The following ADAMTSL1 variants were observed in gnomAD, a reference collection of about 807,000 sequenced individuals.
The protein encoded by ADAMTSL1 is ADAMTS-like protein 1.
In ADAMTSL1, 126 loss-of-function variants were observed where a neutral mutation model predicts 201.8. That is an observed-to-expected ratio of 0.62 (90% CI 0.54 to 0.72). ADAMTSL1 has a LOEUF of 0.72. Among genes scored for constraint, ADAMTSL1 ranks in the 30% least tolerant of loss-of-function variants. The probability of loss-of-function intolerance (pLI) is 0.00; values close to 1 mark genes in which losing one functional copy is unlikely to be tolerated. For missense variants in ADAMTSL1, 2,679 were observed against 2,277.8 expected (o/e 1.18, Z -3.59); for synonymous variants, 1,121 against 903.4 (o/e 1.24, Z -4.32).
intron 20 of ADAMTSL1, among the ~76,000 whole-genome samples, chr9:18,812,444 A>G (rs1002469899): frequency 2.6e-5 from 4 of 152,244 alleles, no homozygotes; most frequent in Non-Finnish European, 4.4e-5. Flanking sequence ...AACTCAAAAT[A>G]TATCACAGAC....
intron 6 of ADAMTSL1, among the ~76,000 whole-genome samples, chr9:18,638,548 C>A (rs2132795582): frequency 6.6e-6 from 1 of 152,194 alleles, no homozygotes; most frequent in African/African-American, 2.4e-5. Flanking sequence ...TTTTCTACAA[C>A]AAAACATGCT....
chr9:18,115,926 A>C (rs1825230308), intron 1 of ADAMTSL1, among the ~76,000 whole-genome samples: 1 of 152,176 alleles, frequency 6.6e-6, no homozygotes, highest in Non-Finnish European at 1.5e-5. Flanking sequence ...ATTGTCTCTA[A>C]CAGTACTCAG....
intron 10 of ADAMTSL1, among the ~76,000 whole-genome samples, chr9:18,679,861 A>C (rs764392672): frequency 2.0e-5 from 3 of 152,224 alleles, no homozygotes; most frequent in Non-Finnish European, 4.4e-5. Flanking sequence ...TTAAGTAATA[A>C]AGCATTACAT....
chr9:18,837,239 A>C (rs961880272), intron 23 of ADAMTSL1, among the ~76,000 whole-genome samples: 6 of 152,160 alleles, frequency 3.9e-5, no homozygotes, highest in Admixed American at 3.9e-4. Flanking sequence ...TCATAATTCT[A>C]AGTTTTAAGT....
At chr9:18,321,158 T>A (rs1175168329) in intron 2 of ADAMTSL1, among the ~76,000 whole-genome samples, 1 of 152,198 alleles carries the variant, frequency 6.6e-6, no homozygotes, top group Non-Finnish European at 1.5e-5. Flanking sequence ...AAAGTTGGCA[T>A]GGCTCTATTA....
At chr9:18,680,590 G>T in intron 11 of ADAMTSL1, 74 bp downstream of exon 11, 1 of 1,535,698 alleles carries the variant, frequency 6.5e-7, no homozygotes, top group South Asian at 1.1e-5. Context: ...GGCCCCACCG[G>T]GTACCCTGAG....
At position 18,195,540 on chromosome 9, in the gene ADAMTSL1, C is replaced by G. The variant is rs536823274; in HGVS notation, c.207+31559C>G. Among the ~76,000 whole-genome samples, 8 of 152,210 alleles carry G rather than the reference C, an allele frequency of 5.3e-5. 1 individual carries two copies. The South Asian group carries it at 1.7e-3, about 32-fold the overall frequency. On this transcript the variant is annotated intron_variant, in intron 2 of 29. Coordinates refer to the ADAMTSL1 transcript ENST00000680146. ...CCACGTCTCATGCTGTTTCCAGGGACATAGTCAAAAGTTTTTTAAAAATTA... is the reference window on the plus strand; with the variant it reads ...CCACGTCTCATGCTGTTTCCAGGGAGATAGTCAAAAGTTTTTTAAAAATTA...
At chr9:18,516,841 G>C (rs932868164) in intron 2 of ADAMTSL1, among the ~76,000 whole-genome samples, 1 of 152,170 alleles carries the variant, frequency 6.6e-6, no homozygotes, top group African/African-American at 2.4e-5. Flanking sequence ...AGCCCATTTT[G>C]CTGTTAGATA....
At chr9:18,579,544 A>C (rs1320610681) in intron 4 of ADAMTSL1, among the ~76,000 whole-genome samples, 1 of 152,364 alleles carries the variant, frequency 6.6e-6, no homozygotes, top group East Asian at 1.9e-4. Context: ...TGAGCTTGAT[A>C]AATACTACTT....
chr9:17,923,774 C>A (rs1244119912), intron 1 of ADAMTSL1, among the ~76,000 whole-genome samples: 1 of 139,074 alleles, frequency 7.2e-6, no homozygotes, highest in Admixed American at 7.5e-5. Flanking sequence ...TCATAGATAG[C>A]TCTTATTATT....
chr9:18,717,903 G>C lies in ADAMTSL1; in HGVS notation c.1877-3633G>C, dbSNP rs138889803. On this transcript the variant is annotated intron_variant, in intron 14 of 28. Coordinates refer to ENST00000380548, the MANE Select transcript of ADAMTSL1 (RefSeq NM_001040272.6). ...GATGCTGGTAGGTTTAACAAAGTTG[G>C]AGTGTTGGCACTATTGAATTGGACA... The C allele has an allele frequency of 1.1e-4, 110 of 1,041,858 alleles. No individual in the cohort carries two copies. The East Asian group carries it at 2.5e-3, about 24-fold the overall frequency. The allele number at this position is 1,041,858 out of a possible 1,614,324, so 64.5% of individuals were successfully genotyped here.
At chr9:18,263,289 T>G (rs1453800021) in intron 2 of ADAMTSL1, among the ~76,000 whole-genome samples, 5 of 152,130 alleles carry the variant, frequency 3.3e-5, no homozygotes, top group African/African-American at 7.2e-5. Flanking sequence ...GTGGAGGAGA[T>G]CTAACATTAT....
At chr9:18,615,259 A>G (rs1168118787) in intron 4 of ADAMTSL1, among the ~76,000 whole-genome samples, 1 of 152,194 alleles carries the variant, frequency 6.6e-6, no homozygotes, top group Non-Finnish European at 1.5e-5. Context: ...AGTGTGTAAA[A>G]GAGGGAATTT....
At chr9:17,910,508 C>A (rs1040653615) in intron 1 of ADAMTSL1, among the ~76,000 whole-genome samples, 1 of 68,674 alleles carries the variant, frequency 1.5e-5, no homozygotes, top group Non-Finnish European at 4.4e-5. Flanking sequence ...ACCATTTCTT[C>A]TGGATAAGGA....
chr9:18,342,360 T>C (rs1336669909), intron 2 of ADAMTSL1, among the ~76,000 whole-genome samples: 1 of 152,146 alleles, frequency 6.6e-6, no homozygotes, highest in Non-Finnish European at 1.5e-5. Context: ...TTAGTAAGTT[T>C]CAGACACTAT....
At chr9:18,182,141 T>G (rs1388664458) in intron 2 of ADAMTSL1, among the ~76,000 whole-genome samples, 7 of 38,962 alleles carry the variant, frequency 1.8e-4, no homozygotes, top group South Asian at 8.4e-4. Flanking sequence ...CCTGTTGTGG[T>G]GTGGGGGGAG....
rs1266170104 is a variant in ADAMTSL1, at chr9:17,940,727, A to G, written c.87+33805A>G. 3.6e-3 allele frequency among the ~76,000 whole-genome samples: 466 copies of G among 128,238 alleles called. 2 individuals carry two copies. Among genetic ancestry groups the G allele is most frequent in the Admixed American group, 9.1e-3 (115 of 12,584 alleles). 84.1% of individuals were successfully genotyped at this position (128,238 alleles called of 152,430 possible). ...GCATAACGTGCAAAAAAAAAAAAAA[A>G]GAAAAAAAAGAAAAAAAATGAGACC... On this transcript the variant is annotated intron_variant, in intron 1 of 29. Transcript: ENST00000680146.
At chr9:18,189,466 T>G (rs985512047) in intron 2 of ADAMTSL1, among the ~76,000 whole-genome samples, 2 of 152,116 alleles carry the variant, frequency 1.3e-5, no homozygotes, top group Admixed American at 6.6e-5. Flanking sequence ...AAATACAAAT[T>G]CTTATATCAG....
rs569544897 is a variant in ADAMTSL1 at position 18,422,988 on chromosome 9, G to A, written c.208-81841G>A. 2.6e-5 allele frequency among the ~76,000 whole-genome samples: 4 copies of A among 152,322 alleles called. No homozygotes were observed. The South Asian group carries it at 6.2e-4, about 24-fold the overall frequency. ...TCTGGAAGATCCCACTTGCTTTCCA[G>A]ACTTTGGTGTGTCCTGTGTGTAAGA... On this transcript the variant is annotated intron_variant, in intron 2 of 29. Transcript: ENST00000680146.
Sources: allele counts gnomAD v4.1 joint callset (sites outside exome capture counted in the v4.1 genomes callset), GRCh38; gene constraint gnomAD v4.1.1; transcripts MANE v1.5; gene names NCBI Gene and HGNC (gene_info 2026-07-23, HGNC 2026-07-21).